The following ANO10 variants were observed in gnomAD, a reference collection of about 807,000 sequenced individuals.
The protein encoded by ANO10 is anoctamin 10, also known as anoctamin-10.
A neutral mutation model predicts 74.7 loss-of-function variants in ANO10; 77 were observed. That is an observed-to-expected ratio of 1.03 (90% CI 0.86 to 1.25). ANO10 has a LOEUF of 1.25. Ranked by LOEUF, ANO10 falls within the 50% of genes most tolerant of loss-of-function variation. The pLI is 0.00. For missense variants in ANO10, 721 were observed against 778.1 expected (o/e 0.93, Z 0.87); for synonymous variants, 279 against 284.9 (o/e 0.98, Z 0.21).
At chr3:43,377,294 C>T (rs2125687976) in intron 12 of ANO10, among the ~76,000 whole-genome samples, 1 of 152,188 alleles carries the variant, frequency 6.6e-6, no homozygotes, top group Middle Eastern at 3.4e-3. Context: ...ACCATGTTGC[C>T]CAGGCTTGTC....
At chr3:43,429,758 G>A (rs1010207169) in intron 12 of ANO10, among the ~76,000 whole-genome samples, 3 of 152,060 alleles carry the variant, frequency 2.0e-5, no homozygotes, top group East Asian at 1.9e-4. Flanking sequence ...AAAAAAGCAG[G>A]TTACTGGAAT....
intron 11 of ANO10, among the ~76,000 whole-genome samples, chr3:43,501,133 G>T (rs2077085895): frequency 1.3e-5 from 2 of 152,200 alleles, no homozygotes; most frequent in South Asian, 4.1e-4. Flanking sequence ...TGTACAAGAA[G>T]CATGGCACCA....
chr3:43,485,748 C>T, intron 11 of ANO10: 1 of 227,296 alleles, frequency 4.4e-6, no homozygotes, highest in South Asian at 5.3e-5. Context: ...TACGAAGTAC[C>T]AGAAGTGGGA....
At chr3:43,574,491 G>A (rs905451064) in intron 7 of ANO10, among the ~76,000 whole-genome samples, 1 of 152,076 alleles carries the variant, frequency 6.6e-6, no homozygotes, top group Non-Finnish European at 1.5e-5. Context: ...GGCTGGTCTC[G>A]AACTCTTGAT....
chr3:43,412,404 G>T (rs536514570), intron 12 of ANO10, among the ~76,000 whole-genome samples: 3 of 152,270 alleles, frequency 2.0e-5, no homozygotes, highest in African/African-American at 7.2e-5. Context: ...AAGACCTGTG[G>T]CTGTTGACCA....
intron 1 of ANO10, among the ~76,000 whole-genome samples, chr3:43,657,802 T>C (rs181724359): frequency 8.1e-4 from 123 of 152,290 alleles, no homozygotes; most frequent in Admixed American, 2.1e-3. Context: ...TTACTACAGA[T>C]TATGCCAAAG....
At chr3:43,547,866 G>C (rs1047884856) in intron 11 of ANO10, among the ~76,000 whole-genome samples, 7 of 152,206 alleles carry the variant, frequency 4.6e-5, no homozygotes, top group African/African-American at 7.2e-5. Flanking sequence ...GGAATCTAGA[G>C]AAAGTGAGGG....
intron 12 of ANO10, among the ~76,000 whole-genome samples, chr3:43,431,554 C>T (rs180708073): frequency 1.5e-4 from 23 of 152,028 alleles, no homozygotes; most frequent in Non-Finnish European, 2.4e-4. Flanking sequence ...TGCTGGGTTC[C>T]GGTTTACCAT....
chr3:43,514,015 A>C (rs1333141088), intron 11 of ANO10, among the ~76,000 whole-genome samples: 2 of 150,016 alleles, frequency 1.3e-5, no homozygotes, highest in Non-Finnish European at 3.0e-5. Context: ...TTGCTATATT[A>C]GAAATAGCAT....
At chr3:43,532,036 T>A (rs2078493181) in intron 11 of ANO10, among the ~76,000 whole-genome samples, 1 of 152,222 alleles carries the variant, frequency 6.6e-6, no homozygotes, top group Non-Finnish European at 1.5e-5. Context: ...ATCCTGCTGA[T>A]TCATCTGCCA....
chr3:43,600,500 G>T lies in ANO10; in HGVS notation c.221C>A (p.Ala74Asp). 1 of 1,613,882 alleles carries T rather than the reference G, an allele frequency of 6.2e-7. No homozygotes were observed. The highest frequency in any genetic ancestry group is 1.3e-5 in the African/African-American group (1 of 75,000). ...LENQNLYLVG[A>D]SKIRMLLGAE... The stretch of plus-strand genomic sequence containing the variant: ...CCCTAGTAACATTCTAATCTTGGAG[G>T]CACCAACAAGATATAAGTTCTGATT... Residue 74 changes from alanine to aspartate, a missense_variant, in exon 3 of 13, where the codon GCC becomes GAC. Physicochemically the swap from Ala to Asp is moderately radical, Grantham distance 126. Coordinates refer to ENST00000292246, the MANE Select transcript of ANO10 (RefSeq NM_018075.5).
chr3:43,582,649 T>C (rs1042181365), intron 4 of ANO10, among the ~76,000 whole-genome samples: 5 of 152,218 alleles, frequency 3.3e-5, no homozygotes, highest in African/African-American at 1.2e-4. Context: ...TTCATATATG[T>C]TTCTTCCCAC....
intron 7 of ANO10, among the ~76,000 whole-genome samples, chr3:43,568,358 C>T (rs2080491295): frequency 6.6e-6 from 1 of 152,206 alleles, no homozygotes; most frequent in Non-Finnish European, 1.5e-5. Context: ...ACAGAACTCT[C>T]CACCCCATAT....
At chr3:43,596,164 T>G (rs994539290) in intron 4 of ANO10, among the ~76,000 whole-genome samples, 2 of 152,088 alleles carry the variant, frequency 1.3e-5, no homozygotes, top group African/African-American at 4.8e-5. Context: ...GAAGAATCAA[T>G]ATCGTGAAAA....
At chr3:43,402,633 C>A (rs1043741761) in intron 12 of ANO10, among the ~76,000 whole-genome samples, 1 of 152,064 alleles carries the variant, frequency 6.6e-6, no homozygotes, top group African/African-American at 2.4e-5. Flanking sequence ...CCCAGGTCAT[C>A]CCTTCTTCTG....
intron 11 of ANO10, among the ~76,000 whole-genome samples, chr3:43,541,236 G>A (rs2078940911): frequency 6.6e-6 from 1 of 152,200 alleles, no homozygotes; most frequent in Admixed American, 6.5e-5. Context: ...TTTCAATTAG[G>A]TGAAGAGACT....
At chr3:43,381,394 A>G (rs1237649936) in intron 12 of ANO10, among the ~76,000 whole-genome samples, 1 of 152,226 alleles carries the variant, frequency 6.6e-6, no homozygotes, top group Non-Finnish European at 1.5e-5. Flanking sequence ...GAAAATGGAC[A>G]CCAAAAGCAA....
chr3:43,387,452 TGGA>T (rs1328238574), intron 12 of ANO10, among the ~76,000 whole-genome samples: 3 of 151,554 alleles, frequency 2.0e-5, no homozygotes, highest in African/African-American at 7.3e-5. Context: ...CACTGTCAGG[TGGA>T]GGTGATGGCT....
upstream of ANO10, among the ~76,000 whole-genome samples, chr3:43,626,539 G>T (rs2083494069): frequency 6.6e-6 from 1 of 151,634 alleles, no homozygotes; most frequent in East Asian, 1.9e-4. Flanking sequence ...GACCTCAAGT[G>T]ATCTGCCCAC....
Sources: allele counts gnomAD v4.1 joint callset (sites outside exome capture counted in the v4.1 genomes callset), GRCh38; gene constraint gnomAD v4.1.1; transcripts MANE v1.5; gene names NCBI Gene and HGNC (gene_info 2026-07-23, HGNC 2026-07-21).